Variants in CLCN5 observed in about 807,000 individuals in gnomAD.
CLCN5 encodes the protein H(+)/Cl(-) exchange transporter 5.
CLCN5 carries 17 observed loss-of-function variants against 54.0 expected under a neutral mutation model. The observed-to-expected ratio is 0.31, with a 90% CI of 0.22 to 0.47. The LOEUF (loss-of-function observed/expected upper bound fraction) is 0.47, where lower values mean the gene tolerates loss of function less well. Among genes scored for constraint, CLCN5 ranks in the 20% least tolerant of loss-of-function variants. The pLI, the probability that CLCN5 is intolerant of heterozygous loss-of-function variation, is 1.00. For missense variants in CLCN5, 448 were observed against 646.7 expected (o/e 0.69, Z 3.33); for synonymous variants, 222 against 233.0 (o/e 0.95, Z 0.43).
intron 12 of CLCN5, 132 bp downstream of exon 12, chrX:50,089,016 A>G: frequency 1.7e-6 from 1 of 578,708 alleles, no homozygotes; most frequent in Non-Finnish European, 2.9e-6. Flanking sequence ...TTTTCCAAGC[A>G]CATTAAGAAA....
intron 3 of CLCN5, chrX:50,008,570 G>T: frequency 3.1e-6 from 1 of 327,646 alleles, no homozygotes; most frequent in South Asian, 3.2e-5. Flanking sequence ...CATTCCACAA[G>T]TATTTATTGA....
At chrX:50,085,920 G>T (rs1204040405) in intron 9 of CLCN5, 60 bp from the exon 10 acceptor site, 4 of 885,736 alleles carry the variant, frequency 4.5e-6, no homozygotes, top group Non-Finnish European at 5.0e-6. Flanking sequence ...CTAAAAATGT[G>T]ATTGAGTGAT....
In CLCN5 at chrX:50,080,905, T is replaced by C. The variant is rs181775862; in HGVS notation, c.726+189T>C. On this transcript the variant is annotated intron_variant, in intron 8 of 14. Coordinates refer to ENST00000376091, the MANE Select transcript of CLCN5 (RefSeq NM_001127898.4). ...TGGGCTACCAGGAAATTAAAGGGAG[T>C]TGATTCTTAGCCTCCTGAGGGTTCC... Among the ~76,000 whole-genome samples, 784 of 110,852 alleles carry C rather than the reference T, an allele frequency of 7.1e-3. 7 individuals are homozygous for C. The highest frequency in any genetic ancestry group is 0.024 in the African/African-American group (721 of 30,459).
chrX:49,952,013 T>C (rs1927063769), intron 3 of CLCN5, among the ~76,000 whole-genome samples: 2 of 112,548 alleles, frequency 1.8e-5, no homozygotes, highest in Admixed American at 1.9e-4. Context: ...CACATATGCC[T>C]GTGCATATGT....
intron 3 of CLCN5, among the ~76,000 whole-genome samples, chrX:50,033,464 A>G (rs1172609663): frequency 1.8e-5 from 2 of 111,712 alleles, no homozygotes; most frequent in Non-Finnish European, 3.8e-5. Flanking sequence ...CTTACAAGGG[A>G]CATGAAGGAC....
chrX:49,960,375 A>G (rs1557174503), intron 3 of CLCN5, among the ~76,000 whole-genome samples: 1 of 110,513 alleles, frequency 9.0e-6, no homozygotes, highest in African/African-American at 3.3e-5. Context: ...TGGATCCTCA[A>G]CGGCTGTTCA....
chrX:50,090,414 A>G lies in CLCN5; in HGVS notation c.2043A>G (p.Ile681Met). The G allele has an allele frequency of 8.3e-7, 1 of 1,208,941 alleles. No homozygotes were observed. Among genetic ancestry groups the G allele is most frequent in the East Asian group, 3.0e-5 (1 of 33,718 alleles). ...DSMTVEDVET[I>M]ISETTYSGFP... Reference sequence around the variant, plus strand: ...TGACTGTGGAAGATGTAGAGACCATAATCAGTGAAACCACTTACAGTGGCT... The same window carrying G: ...TGACTGTGGAAGATGTAGAGACCATGATCAGTGAAACCACTTACAGTGGCT... The change falls in exon 13 of 15, where the codon ATA becomes ATG. Residue 681 changes from isoleucine (I) to methionine (M), a missense_variant. Transcript: ENST00000376091.
chrX:49,968,860 T>C (rs1413780201), intron 3 of CLCN5, among the ~76,000 whole-genome samples: 4 of 80,108 alleles, frequency 5.0e-5, no homozygotes, highest in Non-Finnish European at 8.2e-5. Flanking sequence ...CAAAAGAAAC[T>C]ACCATCAGAG....
At chrX:50,000,888 G>A (rs1355194013) in intron 3 of CLCN5, among the ~76,000 whole-genome samples, 1 of 111,440 alleles carries the variant, frequency 9.0e-6, no homozygotes, top group South Asian at 3.8e-4. Context: ...AAGCTGCTTG[G>A]TCCCATTATT....
In CLCN5 at chrX:49,947,806, C is replaced by A. The variant is rs184379315; in HGVS notation, c.16+22492C>A. Among the ~76,000 whole-genome samples the A allele has an allele frequency of 5.3e-3, 591 of 111,228 alleles. 2 individuals carry two copies. Among genetic ancestry groups the A allele is most frequent in the Non-Finnish European group, 9.0e-3 (479 of 52,991 alleles). The stretch of plus-strand genomic sequence containing the variant: ...CTACCAGTACCTATCTAGTCAGCCA[C>A]TTAATTTTTCTGGGCCTCAATTTCC... On this transcript the variant is annotated intron_variant, in intron 3 of 14. Transcript: ENST00000376091.
At chrX:50,041,696 A>G (rs1932222295) in intron 3 of CLCN5, among the ~76,000 whole-genome samples, 1 of 111,699 alleles carries the variant, frequency 9.0e-6, no homozygotes, top group Admixed American at 9.5e-5. Context: ...TTGGTTTTAT[A>G]CTCATTTGAA....
chrX:50,075,203 C>T (rs995548993), intron 6 of CLCN5, among the ~76,000 whole-genome samples: 1 of 111,207 alleles, frequency 9.0e-6, no homozygotes, highest in Non-Finnish European at 1.9e-5. Context: ...CTCCTTTAGC[C>T]TAGAATGCCT....
At chrX:49,934,253 C>G (rs1925805901) in intron 3 of CLCN5, among the ~76,000 whole-genome samples, 1 of 111,560 alleles carries the variant, frequency 9.0e-6, no homozygotes, top group Admixed American at 9.5e-5. Flanking sequence ...TTGAGGCTTC[C>G]AGGATGTTTT....
chrX:49,956,617 A>T (rs1927334968), intron 3 of CLCN5, among the ~76,000 whole-genome samples: 1 of 111,495 alleles, frequency 9.0e-6, no homozygotes, highest in Non-Finnish European at 1.9e-5. Flanking sequence ...CCCTTTCCCC[A>T]CTTGCTAGCC....
intron 3 of CLCN5, among the ~76,000 whole-genome samples, chrX:49,951,954 C>T (rs1557173080): frequency 8.9e-6 from 1 of 112,199 alleles, no homozygotes; most frequent in Non-Finnish European, 1.9e-5. Flanking sequence ...TTATCTAAGT[C>T]TTTTGGTTTC....
intron 7 of CLCN5, among the ~76,000 whole-genome samples, chrX:50,079,994 A>G (rs1557192798): frequency 3.6e-5 from 4 of 111,979 alleles, no homozygotes; most frequent in Admixed American, 9.5e-5. Flanking sequence ...ATTTCAATGT[A>G]GTAACAATTT....
In CLCN5 at chrX:50,070,049, C is replaced by T. The variant is rs375302697; in HGVS notation, c.315+19C>T. 218 of 1,187,639 alleles carry T rather than the reference C, an allele frequency of 1.8e-4. No homozygotes were observed. The highest frequency in any genetic ancestry group is 2.4e-4 in the Non-Finnish European group (211 of 876,945). On this transcript the variant is annotated intron_variant, in intron 5 of 14. Transcript: ENST00000376091. ...CCGAGAGGTAAGACAAAAGATGGCA[C>T]ATGGGTAAGTGTTAGGAAATACAGG...
intron 5 of CLCN5, among the ~76,000 whole-genome samples, chrX:50,070,790 A>C (rs1192635758): frequency 9.0e-6 from 1 of 111,372 alleles, no homozygotes; most frequent in Non-Finnish European, 1.9e-5. Context: ...TCTCTTTTTG[A>C]AGTACCGTGA....
chrX:49,946,362 G>A (rs1345456850), intron 3 of CLCN5, among the ~76,000 whole-genome samples: 2 of 111,010 alleles, frequency 1.8e-5, no homozygotes, highest in Non-Finnish European at 3.8e-5. Context: ...TCAAGGTGTT[G>A]GCAGAGCTGG....
Sources: gnomAD v4.1 joint callset for allele counts (sites outside exome capture counted in the v4.1 genomes callset) on GRCh38, gnomAD v4.1.1 for gene constraint, MANE v1.5 for transcripts, NCBI Gene and HGNC (gene_info 2026-07-23, HGNC 2026-07-21) for gene names.